The following AGPAT3 variants were observed in gnomAD, a reference collection of about 807,000 sequenced individuals.
AGPAT3 encodes the protein 1-acylglycerol-3-phosphate O-acyltransferase 3, also known as 1-acyl-sn-glycerol-3-phosphate acyltransferase gamma.
A neutral mutation model predicts 47.3 loss-of-function variants in AGPAT3; 5 were observed. The observed-to-expected ratio is 0.11, with a 90% CI of 0.06 to 0.22. The LOEUF is 0.22. AGPAT3 is among the 10% of genes least tolerant of loss of function. AGPAT3 has a pLI of 1.00. For missense variants in AGPAT3, 315 were observed against 493.0 expected (o/e 0.64, Z 3.42); for synonymous variants, 212 against 208.3 (o/e 1.02, Z -0.15).
chr21:43,959,762 C>T lies in AGPAT3; in HGVS notation c.81C>T (p.Val27=), dbSNP rs1162369425. Reference sequence around the variant, plus strand: ...TTGTCTTCGTGGTGAGTGGTCTGGTCATCAACTTCGTCCAGCTGTGCACGC... The same window carrying T: ...TTGTCTTCGTGGTGAGTGGTCTGGTTATCAACTTCGTCCAGCTGTGCACGC... ...VGFVFVVSGL[V]INFVQLCTLA... is the part of the protein sequence containing the mutation. Residue 27 remains valine (V), a synonymous_variant, in exon 3 of 10, where the codon GTC becomes GTT. Coordinates refer to ENST00000291572, the MANE Select transcript of AGPAT3 (RefSeq NM_020132.5). 1.2e-6 allele frequency: 2 copies of T among 1,613,726 alleles called. No homozygotes were observed. The highest frequency in any genetic ancestry group is 1.7e-6 in the Non-Finnish European group (2 of 1,179,954).
chr21:43,917,757 C>T (rs1171043983), intron 2 of AGPAT3, among the ~76,000 whole-genome samples: 3 of 150,176 alleles, frequency 2.0e-5, no homozygotes, highest in Middle Eastern at 3.5e-3. Context: ...GGCATCTTCC[C>T]CGGCAGAACT....
At chr21:43,971,946 C>T (rs564075692) in intron 7 of AGPAT3, among the ~76,000 whole-genome samples, 5 of 152,126 alleles carry the variant, frequency 3.3e-5, no homozygotes, top group Non-Finnish European at 5.9e-5. Flanking sequence ...GGGGGGCATA[C>T]GGTGCTGACT....
intron 1 of AGPAT3, among the ~76,000 whole-genome samples, chr21:43,889,331 C>T (rs183925097): frequency 6.6e-6 from 1 of 151,376 alleles, no homozygotes; most frequent in East Asian, 1.9e-4. Flanking sequence ...AGAAAATTCC[C>T]CTCCATTTCG....
In AGPAT3 at chr21:43,959,792, G is replaced by A. The variant is rs780878304; in HGVS notation, c.111G>A (p.Ala37=). 7.4e-6 allele frequency: 12 copies of A among 1,613,186 alleles called. No individual in the cohort carries two copies. The highest frequency in any genetic ancestry group is 3.3e-5 in the South Asian group (3 of 91,092). ...ACTTCGTCCAGCTGTGCACGCTGGC[G>A]CTCTGGCCGGTCAGCAAGCAGCTCT... is the stretch of plus-strand genomic sequence containing the variant. The part of the protein sequence containing the change: ...VINFVQLCTL[A]LWPVSKQLYR... Residue 37 remains alanine, a synonymous_variant, in exon 3 of 10, where the codon GCG becomes GCA. Transcript: ENST00000291572.
rs1166659344 is a variant in AGPAT3 at position 43,908,490 on chromosome 21, C to T, written c.-49+4471C>T. The stretch of plus-strand genomic sequence containing the variant: ...TGATTCATAACAAGGCATTTGCTTT[C>T]CTGGGCCTTGGTGACCTGTCTGTGA... On this transcript the variant is annotated intron_variant, in intron 2 of 9. Transcript: ENST00000291572. This position sits in a 1 kb window ranked among gnomAD's most constrained non-coding sequence, Gnocchi z 4.9. Among the ~76,000 whole-genome samples the T allele has an allele frequency of 6.6e-6, 1 of 152,164 alleles. No individual in the cohort carries two copies. The highest frequency in any genetic ancestry group is 1.5e-5 in the Non-Finnish European group (1 of 68,028).
chr21:43,960,331 C>T (rs560645693), intron 3 of AGPAT3, among the ~76,000 whole-genome samples: 4 of 152,280 alleles, frequency 2.6e-5, no homozygotes, highest in Admixed American at 2.6e-4. Flanking sequence ...TGCCTCTGTG[C>T]GTATGTGTAT....
chr21:43,905,961 A>G (rs1280249492), intron 2 of AGPAT3, among the ~76,000 whole-genome samples: 1 of 152,202 alleles, frequency 6.6e-6, no homozygotes, highest in Non-Finnish European at 1.5e-5. Context: ...TTTTGCTTCT[A>G]GGGGAGAAAC....
chr21:43,977,659 C>G (rs2070543), intron 7 of AGPAT3, among the ~76,000 whole-genome samples: 1 of 151,954 alleles, frequency 6.6e-6, no homozygotes, highest in Non-Finnish European at 1.5e-5. Flanking sequence ...GGGTGGATCA[C>G]GAGGTCAAGA....
chr21:43,880,287 G>A lies in AGPAT3; in HGVS notation c.-112+14942G>A, dbSNP rs1406929095. ...CAGCAACTGTTGTCCCCTAGAGCCC[G>A]AGATCTGGGAGCGGCAGGGGCAGCC... is the stretch of plus-strand genomic sequence containing the variant. On this transcript the variant is annotated intron_variant, in intron 1 of 9. Coordinates refer to ENST00000291572, the MANE Select transcript of AGPAT3 (RefSeq NM_020132.5). The surrounding 1 kb of genome is among the most constrained non-coding windows in gnomAD (Gnocchi z 4.5). Among the ~76,000 whole-genome samples, 2 of 152,330 alleles carry A rather than the reference G, an allele frequency of 1.3e-5. No individual in the cohort carries two copies. Among genetic ancestry groups the A allele is most frequent in the South Asian group, 2.1e-4 (1 of 4,830 alleles).
chr21:43,885,062 C>T (rs555678906), intron 1 of AGPAT3, among the ~76,000 whole-genome samples: 14 of 152,376 alleles, frequency 9.2e-5, no homozygotes, highest in Non-Finnish European at 7.3e-5. Flanking sequence ...CAGTGACGTG[C>T]GGTGCTGAGC....
rs3788088 is a variant in AGPAT3, at chr21:43,950,472, T to G, written c.-48-9162T>G. On this transcript the variant is annotated intron_variant, in intron 2 of 9. Transcript: ENST00000291572. ...TGCCCTTTAAACCTCAAAATAGGAT[T>G]GTGTTTGTTTCATCTAAAATTTTAG... is the stretch of plus-strand genomic sequence containing the variant. Among the ~76,000 whole-genome samples the G allele has an allele frequency of 3.4e-3, 523 of 152,304 alleles. 15 individuals carry two copies. In the East Asian group the frequency reaches 0.07, roughly 20 times the overall value.
intron 3 of AGPAT3, among the ~76,000 whole-genome samples, chr21:43,963,689 C>CA (rs1196676423): frequency 2.5e-5 from 3 of 122,332 alleles, no homozygotes; most frequent in African/African-American, 9.7e-5. Flanking sequence ...GCCTGGGTGA[C>CA]AGAGTGAGAC....
intron 2 of AGPAT3, among the ~76,000 whole-genome samples, chr21:43,904,272 G>A (rs1282412916): frequency 6.6e-6 from 1 of 152,220 alleles, no homozygotes; most frequent in African/African-American, 2.4e-5. Flanking sequence ...TTCTCTTCCT[G>A]CGAGGGATGA....
In AGPAT3 at chr21:43,919,586, G is replaced by A. The variant is rs556479354; in HGVS notation, c.-49+15567G>A. 1.1e-4 allele frequency among the ~76,000 whole-genome samples: 17 copies of A among 152,362 alleles called. No homozygotes were observed. The East Asian group carries it at 3.3e-3, about 29-fold the overall frequency. ...TGGTTCTGTATCCTTGCAATTGCAA[G>A]TCATCTTGCTGCAAACATGCATATG... On this transcript the variant is annotated intron_variant, in intron 2 of 9. Transcript: ENST00000291572.
intron 2 of AGPAT3, among the ~76,000 whole-genome samples, chr21:43,904,533 CGGTGCCCTGCTCTTGGGGGTT>C (rs1010495732): frequency 6.6e-6 from 1 of 151,738 alleles, no homozygotes; most frequent in Non-Finnish European, 1.5e-5. Context: ...CCTGGGGGGT[CGGTGCCCTGCTCTTGGGGGTT>C]GGTGCCCTGC....
In AGPAT3 at chr21:43,986,159, C is replaced by T. The variant is rs1293175094; in HGVS notation, c.*3767C>T. 6.6e-6 allele frequency: 1 copy of T among 152,272 alleles called. No homozygotes were observed. Among genetic ancestry groups the T allele is most frequent in the Non-Finnish European group, 1.5e-5 (1 of 68,058 alleles). 9.4% of individuals were successfully genotyped at this position (152,272 alleles called of 1,614,324 possible). A position where few individuals can be genotyped will look rare whatever the true frequency, so the allele number is the denominator to read the frequency against. On this transcript the variant is annotated 3_prime_UTR_variant, in exon 10 of 10. Coordinates refer to ENST00000291572, the MANE Select transcript of AGPAT3 (RefSeq NM_020132.5). The stretch of plus-strand genomic sequence containing the variant: ...CAATTTTTGCGTAAAAGATGTCACA[C>T]TGATCTGCTGGAGTGGGGTGGACAC...
chr21:43,904,559 C>A (rs1391859954), intron 2 of AGPAT3, among the ~76,000 whole-genome samples: 1 of 152,134 alleles, frequency 6.6e-6, no homozygotes, highest in African/African-American at 2.4e-5. Context: ...GGGGTTGGTG[C>A]CCTGCTCCTG....
At chr21:43,935,324 C>T (rs1386215342) in intron 2 of AGPAT3, among the ~76,000 whole-genome samples, 1 of 152,256 alleles carries the variant, frequency 6.6e-6, no homozygotes, top group African/African-American at 2.4e-5. Context: ...GCAGCACCCT[C>T]CAGTAGCAGC....
chr21:43,871,223 A>C (rs1291639083), intron 1 of AGPAT3, among the ~76,000 whole-genome samples: 1 of 152,202 alleles, frequency 6.6e-6, no homozygotes, highest in Non-Finnish European at 1.5e-5. Flanking sequence ...GAGGGGGAAA[A>C]ATCCCAAGAA....
Sources: allele counts gnomAD v4.1 joint callset (sites outside exome capture counted in the v4.1 genomes callset), GRCh38; gene constraint gnomAD v4.1.1; non-coding constraint Gnocchi (gnomAD v3.1); transcripts MANE v1.5; gene names NCBI Gene and HGNC (gene_info 2026-07-23, HGNC 2026-07-21).